PARP8: variants seen among roughly 807,000 people sequenced by gnomAD.
The protein encoded by PARP8 is protein mono-ADP-ribosyltransferase PARP8.
Under a neutral mutation model 124.1 loss-of-function variants are expected in PARP8, and 51 were observed. The ratio of observed to expected loss-of-function variants is 0.41; its 90% CI spans 0.33 to 0.52. PARP8 has a LOEUF of 0.52. Among genes scored for constraint, PARP8 ranks in the 20% least tolerant of loss-of-function variants. The probability of loss-of-function intolerance (pLI) is 0.21; values close to 1 mark genes in which losing one functional copy is unlikely to be tolerated. For synonymous variants in PARP8, 391 were observed against 361.5 expected (o/e 1.08, Z -0.93); for missense variants, 860 against 1,018.9 (o/e 0.84, Z 2.12).
At chr5:50,744,893 T>G in intron 2 of PARP8, 1 of 656,466 alleles carries the variant, frequency 1.5e-6, no homozygotes, top group Non-Finnish European at 2.7e-6. Context: ...TACATGGCAT[T>G]TATTATGTAC....
intron 7 of PARP8, among the ~76,000 whole-genome samples, chr5:50,768,901 C>T (rs1250918945): frequency 2.6e-5 from 4 of 151,936 alleles, no homozygotes; most frequent in Admixed American, 6.6e-5. Flanking sequence ...ATATACACAG[C>T]GTCATTTGTG....
chr5:50,812,455 G>A (rs371996770), intron 14 of PARP8, among the ~76,000 whole-genome samples: 1 of 152,136 alleles, frequency 6.6e-6, no homozygotes, highest in Admixed American at 6.5e-5. Flanking sequence ...ATTTTTTCTT[G>A]TAAGTTTGTT....
chr5:50,747,157 TG>T lies in PARP8; in HGVS notation c.147-2993del, dbSNP rs1449035370. On this transcript the variant is annotated intron_variant, in intron 2 of 25. Transcript: ENST00000281631. ...TCAGTTATGGTTTTTTTTGTTTGTT[TG>T]TTTTGTTTTTTTTTTTTTTTTTGTC... 9.8e-4 allele frequency among the ~76,000 whole-genome samples: 131 copies of T among 133,552 alleles called. 1 individual carries two copies. The highest frequency in any genetic ancestry group is 3.1e-3 in the African/African-American group (104 of 33,794). 87.6% of individuals were successfully genotyped at this position (133,552 alleles called of 152,430 possible). A position where few individuals can be genotyped will look rare whatever the true frequency, so the allele number is the denominator to read the frequency against.
rs116204161 is a variant in PARP8 at position 50,770,049 on chromosome 5, C to T, written c.518+6807C>T. ...TTCTTAAAAATATCATTTTAGCTTC[C>T]GTGCTTTTTTGGTAATCTGCTTATC... On this transcript the variant is annotated intron_variant, in intron 7 of 25. Transcript: ENST00000281631. Among the ~76,000 whole-genome samples, 1,115 of 152,024 alleles carry T rather than the reference C, an allele frequency of 7.3e-3. 13 individuals carry two copies. The highest frequency in any genetic ancestry group is 0.026 in the African/African-American group (1,075 of 41,484).
At chr5:50,690,991 A>C (rs1752438573) in intron 2 of PARP8, among the ~76,000 whole-genome samples, 1 of 152,144 alleles carries the variant, frequency 6.6e-6, no homozygotes, top group Non-Finnish European at 1.5e-5. Context: ...AAAAGGTAGC[A>C]GCTCTTTCTA....
chr5:50,768,032 T>C (rs1160441918), intron 7 of PARP8, among the ~76,000 whole-genome samples: 1 of 152,138 alleles, frequency 6.6e-6, no homozygotes, highest in East Asian at 1.9e-4. Flanking sequence ...TGTGTGTGTG[T>C]GTTCCCTGAC....
chr5:50,820,055 A>G (rs1745585404), intron 15 of PARP8, among the ~76,000 whole-genome samples: 1 of 152,058 alleles, frequency 6.6e-6, no homozygotes. Flanking sequence ...TGTCTTGTGG[A>G]TATGCATGTC....
At chr5:50,801,624 C>A (rs1245198928) in intron 14 of PARP8, among the ~76,000 whole-genome samples, 5 of 152,096 alleles carry the variant, frequency 3.3e-5, no homozygotes, top group Admixed American at 1.3e-4. Flanking sequence ...ATTTTAGTTA[C>A]CTTTTCAAAG....
chr5:50,687,532 C>T (rs1579956197), intron 2 of PARP8, among the ~76,000 whole-genome samples: 2 of 152,206 alleles, frequency 1.3e-5, no homozygotes, highest in Admixed American at 1.3e-4. Flanking sequence ...CCCCCACTCT[C>T]TACTGGTGCC....
intron 25 of PARP8, among the ~76,000 whole-genome samples, chr5:50,839,167 A>G (rs777914410): frequency 7.9e-5 from 12 of 151,896 alleles, no homozygotes; most frequent in Non-Finnish European, 1.6e-4. Context: ...CTAATTTCCT[A>G]GTTTCTATTA....
At position 50,667,883 on chromosome 5, in the gene PARP8, C is replaced by G. The variant is rs531758572; in HGVS notation, c.92-188C>G. 17 of 1,492,894 alleles carry G rather than the reference C, an allele frequency of 1.1e-5. No homozygotes were observed. The South Asian group carries it at 1.6e-4, about 14-fold the overall frequency. The allele number at this position is 1,492,894 out of a possible 1,614,324, so 92.5% of individuals were successfully genotyped here. A position where few individuals can be genotyped will look rare whatever the true frequency, so the allele number is the denominator to read the frequency against. On this transcript the variant is annotated intron_variant, in intron 1 of 25. Coordinates refer to ENST00000281631, the MANE Select transcript of PARP8 (RefSeq NM_024615.4). ...GCACTTGTTGCGGGGGGCGGCCTCC[C>G]GCTGCACCCAGTCGGGGGCGCGCCG...
At chr5:50,731,081 G>GA (rs1434104481) in intron 2 of PARP8, among the ~76,000 whole-genome samples, 1 of 152,144 alleles carries the variant, frequency 6.6e-6, no homozygotes, top group African/African-American at 2.4e-5. Context: ...TGACTTAGAG[G>GA]AAATGTCAGA....
chr5:50,727,839 C>T (rs1756583419), intron 2 of PARP8, among the ~76,000 whole-genome samples: 1 of 152,178 alleles, frequency 6.6e-6, no homozygotes, highest in South Asian at 2.1e-4. Context: ...TGTGATGCCA[C>T]AATACATGGT....
chr5:50,830,505 G>T (rs1273051890), intron 22 of PARP8, among the ~76,000 whole-genome samples: 3 of 152,114 alleles, frequency 2.0e-5, no homozygotes, highest in Non-Finnish European at 4.4e-5. Context: ...AATGTAGAAA[G>T]AATGATCACC....
At chr5:50,696,097 C>T (rs1387890903) in intron 2 of PARP8, among the ~76,000 whole-genome samples, 3 of 152,078 alleles carry the variant, frequency 2.0e-5, no homozygotes, top group Admixed American at 6.6e-5. Context: ...AAAAGAGAAA[C>T]AGTTACATCT....
chr5:50,761,089 GA>G (rs1760493343), intron 5 of PARP8, among the ~76,000 whole-genome samples: 1 of 152,058 alleles, frequency 6.6e-6, no homozygotes, highest in African/African-American at 2.4e-5. Flanking sequence ...TTAAGAACTT[GA>G]AATTCAGTGT....
At chr5:50,744,807 C>T (rs115847819) in intron 2 of PARP8, 3 of 693,448 alleles carry the variant, frequency 4.3e-6, no homozygotes, top group Non-Finnish European at 7.8e-6. Flanking sequence ...TCAGAACTTG[C>T]TCTAGATTTT....
intron 17 of PARP8, 82 bp downstream of exon 17, chr5:50,822,482 T>C (rs763828251): frequency 1.7e-4 from 175 of 1,041,750 alleles, no homozygotes; most frequent in Non-Finnish European, 2.4e-4. Context: ...TAGACTTCTC[T>C]ATAATACATA....
chr5:50,822,952 A>G (rs115916801), intron 17 of PARP8, among the ~76,000 whole-genome samples: 10,222 of 152,298 alleles, frequency 0.067, 384 homozygotes, highest in Middle Eastern at 0.11. Flanking sequence ...TCCCTGGGCT[A>G]TAGTCCAGCA....
Sources: gnomAD v4.1 joint callset for allele counts (sites outside exome capture counted in the v4.1 genomes callset) on GRCh38, gnomAD v4.1.1 for gene constraint, MANE v1.5 for transcripts, NCBI Gene and HGNC (gene_info 2026-07-23, HGNC 2026-07-21) for gene names.